The following XKR9 variants were observed in gnomAD, a reference collection of about 807,000 sequenced individuals.
XKR9 encodes XK related 9.
In XKR9, 32 loss-of-function variants were observed where a neutral mutation model predicts 32.0. That is an observed-to-expected ratio of 1.00 (90% CI 0.76 to 1.34). The LOEUF is 1.34. Ranked by LOEUF, XKR9 falls within the 40% of genes most tolerant of loss-of-function variation. The pLI, the probability that XKR9 is intolerant of heterozygous loss-of-function variation, is 0.00. For synonymous variants in XKR9, 168 were observed against 143.4 expected, an observed-to-expected ratio of 1.17 and a Z score of -1.22; for missense variants, 546 against 429.7, an observed-to-expected ratio of 1.27 and a Z score of -2.39.
chr8:70,702,009 A>G (rs138147014), intron 3 of XKR9, among the ~76,000 whole-genome samples: 3 of 152,266 alleles, frequency 2.0e-5, no homozygotes, highest in South Asian at 2.1e-4. Context: ...AAAAGTTTAA[A>G]TTCTATAAAA....
intron 2 of XKR9, among the ~76,000 whole-genome samples, chr8:70,742,671 A>C (rs1807004679): frequency 6.6e-6 from 1 of 152,010 alleles, no homozygotes; most frequent in Non-Finnish European, 1.5e-5. Flanking sequence ...TTGGATATAG[A>C]GTTCTGAGTT....
chr8:70,761,638 C>G lies in XKR9; in HGVS notation n.353-27701C>G, dbSNP rs115432077. Among the ~76,000 whole-genome samples, 895 of 152,084 alleles carry G rather than the reference C, an allele frequency of 5.9e-3. 12 individuals carry two copies. The highest frequency in any genetic ancestry group is 0.021 in the African/African-American group (855 of 41,514). On this transcript the variant is annotated intron_variant and non_coding_transcript_variant, in intron 2 of 3. Coordinates refer to the XKR9 transcript ENST00000520273. ...CAGTTCGCAAACATTTTCTTTCATT[C>G]TGTAAGCTGTCTGTTAACTCTGTTG...
intron 2 of XKR9, among the ~76,000 whole-genome samples, chr8:70,783,245 T>C (rs2440599): frequency 6.6e-6 from 1 of 151,966 alleles, no homozygotes; most frequent in Non-Finnish European, 1.5e-5. Context: ...TTTTTTCTTT[T>C]TAAGACGGAG....
the XKR9 span, among the ~76,000 whole-genome samples, chr8:70,811,684 A>G: frequency 1.3e-5 from 2 of 152,264 alleles, no homozygotes; most frequent in Admixed American, 6.5e-5. Flanking sequence ...TAAACTAGAA[A>G]ATCTAGAAGA....
chr8:70,900,453 G>C, the XKR9 span, among the ~76,000 whole-genome samples: 5 of 152,038 alleles, frequency 3.3e-5, no homozygotes, highest in African/African-American at 4.8e-5. Context: ...GCCAGGCATG[G>C]TGGTGGGTGC....
chr8:70,833,160 T>A, the XKR9 span, among the ~76,000 whole-genome samples: 35 of 152,290 alleles, frequency 2.3e-4, no homozygotes, highest in African/African-American at 8.2e-4. Flanking sequence ...AATAGAGGAT[T>A]TCTTCCCTCC....
chr8:71,021,178 C>G, the XKR9 span, among the ~76,000 whole-genome samples: 1 of 152,162 alleles, frequency 6.6e-6, no homozygotes, highest in African/African-American at 2.4e-5. Flanking sequence ...TCACCACTCC[C>G]CTTCCAGAGA....
chr8:70,856,612 A>C, the XKR9 span, among the ~76,000 whole-genome samples: 1 of 152,184 alleles, frequency 6.6e-6, no homozygotes, highest in Admixed American at 6.5e-5. Flanking sequence ...TCAGCTCTGC[A>C]CCAAGCGGAC....
chr8:70,785,401 A>G (rs966539491), intron 2 of XKR9, among the ~76,000 whole-genome samples: 8 of 151,670 alleles, frequency 5.3e-5, no homozygotes, highest in Admixed American at 3.3e-4. Flanking sequence ...TCTATTTTTA[A>G]TCAGTCTAAC....
downstream of XKR9, among the ~76,000 whole-genome samples, chr8:70,736,505 C>T (rs1806866363): frequency 6.6e-6 from 1 of 152,118 alleles, no homozygotes; most frequent in South Asian, 2.1e-4. Flanking sequence ...GCTTTTGTTG[C>T]CATTGCTTTT....
the XKR9 span, among the ~76,000 whole-genome samples, chr8:70,978,542 TA>T: frequency 1.3e-5 from 2 of 152,228 alleles, no homozygotes; most frequent in Non-Finnish European, 2.9e-5. Flanking sequence ...TTCTTTTCTT[TA>T]AGAATGTTGA....
At chr8:70,742,203 A>C (rs892667360) in intron 2 of XKR9, among the ~76,000 whole-genome samples, 3 of 152,226 alleles carry the variant, frequency 2.0e-5, no homozygotes, top group Non-Finnish European at 4.4e-5. Flanking sequence ...ACCAGATTAA[A>C]ACTGGGCAAA....
chr8:70,858,214 AC>A, the XKR9 span, among the ~76,000 whole-genome samples: 1 of 152,058 alleles, frequency 6.6e-6, no homozygotes, highest in Non-Finnish European at 1.5e-5. Flanking sequence ...TATCTAGAAA[AC>A]CCCATCGTCT....
the XKR9 span, among the ~76,000 whole-genome samples, chr8:70,999,973 C>A: frequency 6.6e-5 from 10 of 152,126 alleles, no homozygotes; most frequent in African/African-American, 2.2e-4. Flanking sequence ...TAAAATGAAT[C>A]AATTTCTCTT....
At chr8:70,706,866 A>G in intron 3 of XKR9, 67 bp from the exon 4 acceptor site, 1 of 1,108,832 alleles carries the variant, frequency 9.0e-7, no homozygotes, top group East Asian at 2.5e-5. Flanking sequence ...CCAAATTATT[A>G]TGTGTATTAA....
chr8:70,983,870 C>T, the XKR9 span, among the ~76,000 whole-genome samples: 5 of 151,322 alleles, frequency 3.3e-5, no homozygotes, highest in South Asian at 1.0e-3. Context: ...ATCAATTGAA[C>T]TTTTGCTATT....
At chr8:70,671,864 A>G (rs1403502448) in intron 1 of XKR9, among the ~76,000 whole-genome samples, 1 of 103,006 alleles carries the variant, frequency 9.7e-6, no homozygotes, top group Non-Finnish European at 2.4e-5. Flanking sequence ...AAGCAACTTC[A>G]GCAAAGTCTC....
downstream of XKR9, among the ~76,000 whole-genome samples, chr8:70,736,636 A>G (rs1344096022): frequency 6.6e-6 from 1 of 152,070 alleles, no homozygotes; most frequent in Non-Finnish European, 1.5e-5. Context: ...TCTTGAATTA[A>G]CTTTTGTATA....
the XKR9 span, among the ~76,000 whole-genome samples, chr8:70,978,558 C>T: frequency 7.2e-5 from 11 of 152,216 alleles, no homozygotes; most frequent in East Asian, 3.9e-4. Context: ...TGTTGAATAT[C>T]GGCCCCCACT....
Sources: gnomAD v4.1 joint callset for allele counts (sites outside exome capture counted in the v4.1 genomes callset) on GRCh38, gnomAD v4.1.1 for gene constraint, MANE v1.5 for transcripts, NCBI Gene and HGNC (gene_info 2026-07-23, HGNC 2026-07-21) for gene names.